GAS2: variants seen among roughly 807,000 people sequenced by gnomAD.
GAS2 encodes growth arrest specific 2.
GAS2 carries 20 observed loss-of-function variants against 37.5 expected under a neutral mutation model. The observed-to-expected ratio is 0.53, with a 90% CI of 0.37 to 0.77. The LOEUF is 0.77. GAS2 is among the 30% of genes least tolerant of loss of function. The pLI, the probability that GAS2 is intolerant of heterozygous loss-of-function variation, is 0.00. For missense variants in GAS2, 336 were observed against 373.4 expected (o/e 0.90, Z 0.82); for synonymous variants, 144 against 132.2 (o/e 1.09, Z -0.61).
intron 7 of GAS2, among the ~76,000 whole-genome samples, chr11:22,801,192 C>T (rs747449947): frequency 1.3e-5 from 2 of 151,728 alleles, no homozygotes; most frequent in Non-Finnish European, 2.9e-5. Flanking sequence ...AACTAAGAGA[C>T]AGGGGAAAAA....
intron 1 of GAS2, among the ~76,000 whole-genome samples, chr11:22,644,405 A>G (rs1391186030): frequency 6.6e-6 from 1 of 152,154 alleles, no homozygotes; most frequent in African/African-American, 2.4e-5. Flanking sequence ...TGTTTTTATC[A>G]GTTAATTACC....
intron 7 of GAS2, among the ~76,000 whole-genome samples, chr11:22,759,074 C>T (rs531789561): frequency 1.0e-3 from 156 of 152,114 alleles, no homozygotes; most frequent in Middle Eastern, 3.4e-3. Flanking sequence ...CTTTATGTGT[C>T]GACTTATGAT....
At chr11:22,652,593 T>C (rs1848794471) in intron 1 of GAS2, among the ~76,000 whole-genome samples, 1 of 152,194 alleles carries the variant, frequency 6.6e-6, no homozygotes, top group Non-Finnish European at 1.5e-5. Flanking sequence ...CGTAGGACCC[T>C]CCGAGCCAGG....
At chr11:22,730,008 A>C (rs1232879656) in intron 4 of GAS2, among the ~76,000 whole-genome samples, 2 of 151,794 alleles carry the variant, frequency 1.3e-5, no homozygotes, top group African/African-American at 4.8e-5. Flanking sequence ...CTACTGAAAC[A>C]TTAAAAAAAT....
At chr11:22,708,557 A>G (rs1374165665) in intron 3 of GAS2, among the ~76,000 whole-genome samples, 1 of 152,154 alleles carries the variant, frequency 6.6e-6, no homozygotes, top group Non-Finnish European at 1.5e-5. Context: ...CCAGCATTCA[A>G]ACTCAGGCAG....
chr11:22,751,513 G>A (rs1853726647), intron 6 of GAS2, among the ~76,000 whole-genome samples: 1 of 151,916 alleles, frequency 6.6e-6, no homozygotes, highest in South Asian at 2.1e-4. Context: ...CCAGTACTGT[G>A]TTTTTTGGAT....
chr11:22,799,061 G>A (rs762399562), intron 7 of GAS2, among the ~76,000 whole-genome samples: 5 of 152,092 alleles, frequency 3.3e-5, no homozygotes, highest in Non-Finnish European at 5.9e-5. Flanking sequence ...GAATGGAGTT[G>A]ACAGGAAGGT....
intron 1 of GAS2, among the ~76,000 whole-genome samples, chr11:22,642,906 G>C (rs1565063226): frequency 6.6e-6 from 1 of 152,140 alleles, no homozygotes; most frequent in African/African-American, 2.4e-5. Context: ...ACAGCGGCAA[G>C]ACCAACATCT....
intron 7 of GAS2, among the ~76,000 whole-genome samples, chr11:22,776,817 T>A: frequency 6.6e-6 from 1 of 152,298 alleles, no homozygotes; most frequent in African/African-American, 2.4e-5. Flanking sequence ...AATGATGAGA[T>A]TCACTTAGCC....
At chr11:22,769,203 C>T (rs1300988974) in intron 7 of GAS2, among the ~76,000 whole-genome samples, 1 of 152,170 alleles carries the variant, frequency 6.6e-6, no homozygotes, top group Admixed American at 6.5e-5. Context: ...CACAAAACTC[C>T]CCTCCCAGGG....
intron 4 of GAS2, among the ~76,000 whole-genome samples, chr11:22,727,750 GGT>G (rs1852283711): frequency 6.6e-6 from 1 of 151,888 alleles, no homozygotes; most frequent in African/African-American, 2.4e-5. Context: ...AAAAAAATTT[GGT>G]GGAAGATGTG....
At chr11:22,699,592 T>C (rs1309741797) in intron 3 of GAS2, among the ~76,000 whole-genome samples, 3 of 152,096 alleles carry the variant, frequency 2.0e-5, no homozygotes, top group Non-Finnish European at 4.4e-5. Context: ...TTTCAGACAT[T>C]TTTAGAGAGG....
intron 7 of GAS2, among the ~76,000 whole-genome samples, chr11:22,770,692 C>T (rs762022658): frequency 5.3e-5 from 8 of 152,172 alleles, no homozygotes; most frequent in Admixed American, 2.6e-4. Context: ...CAACAGCCAA[C>T]GTAGCCTGTG....
intron 4 of GAS2, among the ~76,000 whole-genome samples, chr11:22,735,903 G>A (rs949852207): frequency 6.6e-6 from 1 of 151,258 alleles, no homozygotes; most frequent in Admixed American, 6.6e-5. Context: ...CTTTTACTTA[G>A]GATGAGGGCA....
intron 3 of GAS2, among the ~76,000 whole-genome samples, chr11:22,691,598 AT>A (rs1850248216): frequency 6.6e-6 from 1 of 152,166 alleles, no homozygotes; most frequent in Non-Finnish European, 1.5e-5. Flanking sequence ...CTTAAAATTT[AT>A]TGTTCTAAAT....
intron 3 of GAS2, among the ~76,000 whole-genome samples, chr11:22,695,010 C>T (rs563910226): frequency 6.6e-5 from 10 of 152,272 alleles, no homozygotes; most frequent in African/African-American, 2.4e-4. Context: ...TAGAGGTTGT[C>T]AGCAATGGCT....
chr11:22,710,311 TA>T (rs951959935), intron 3 of GAS2, among the ~76,000 whole-genome samples: 1 of 152,134 alleles, frequency 6.6e-6, no homozygotes, highest in African/African-American at 2.4e-5. Context: ...TGAAAATACT[TA>T]TCTCATACAT....
intron 1 of GAS2, among the ~76,000 whole-genome samples, chr11:22,634,334 A>G (rs2133808417): frequency 6.6e-6 from 1 of 152,306 alleles, no homozygotes. Flanking sequence ...TATGGGAGCT[A>G]CAATTCAAGA....
At chr11:22,678,055 A>G (rs770781684) in intron 2 of GAS2, among the ~76,000 whole-genome samples, 3 of 152,202 alleles carry the variant, frequency 2.0e-5, no homozygotes, top group Non-Finnish European at 4.4e-5. Context: ...TTTCTCAGAA[A>G]AGGAATCCTA....
Sources: gnomAD v4.1 joint callset for allele counts (sites outside exome capture counted in the v4.1 genomes callset) on GRCh38, gnomAD v4.1.1 for gene constraint, MANE v1.5 for transcripts, NCBI Gene and HGNC (gene_info 2026-07-23, HGNC 2026-07-21) for gene names.